The following NMI variants were observed in gnomAD, a reference collection of about 807,000 sequenced individuals.
NMI encodes N-myc and STAT interactor, also known as N-myc-interactor.
A neutral mutation model predicts 34.3 loss-of-function variants in NMI; 39 were observed. The ratio of observed to expected loss-of-function variants is 1.14; its 90% CI spans 0.88 to 1.49. The LOEUF (loss-of-function observed/expected upper bound fraction) is 1.49. Ranked by LOEUF, NMI falls within the 40% of genes most tolerant of loss-of-function variation. The pLI, the probability that NMI is intolerant of heterozygous loss-of-function variation, is 0.00. For synonymous variants in NMI, 113 were observed against 120.3 expected, an observed-to-expected ratio of 0.94 and a Z score of 0.40; for missense variants, 339 against 358.1, an observed-to-expected ratio of 0.95 and a Z score of 0.43.
At chr2:151,282,495 G>A (rs747852625) in intron 2 of NMI, among the ~76,000 whole-genome samples, 6 of 152,092 alleles carry the variant, frequency 3.9e-5, no homozygotes, top group Non-Finnish European at 7.4e-5. Context: ...CCATAGTATC[G>A]CATAGTACAC....
chr2:151,289,433 G>A (rs999776299), intron 1 of NMI, among the ~76,000 whole-genome samples, 160 bp downstream of exon 1: 3 of 152,154 alleles, frequency 2.0e-5, no homozygotes, highest in East Asian at 1.9e-4. Context: ...TGGCCTCCGC[G>A]ACTCGGCTGC....
chr2:151,279,382 T>G (rs192567669), intron 3 of NMI, among the ~76,000 whole-genome samples: 7 of 152,198 alleles, frequency 4.6e-5, no homozygotes, highest in Admixed American at 1.3e-4. Flanking sequence ...TTAATTTTGC[T>G]GCAAAGTATG....
In NMI at chr2:151,276,406, T is replaced by C. The variant is rs181313310; in HGVS notation, c.341-542A>G. ...AAAGTATATCAGCAAAATCACAATG[T>C]AGAAGTTCTCAAGTTCTAGATTCTT... On this transcript the variant is annotated intron_variant, in intron 4 of 7. Transcript: ENST00000243346. 5.3e-5 allele frequency among the ~76,000 whole-genome samples: 8 copies of C among 152,278 alleles called. No individual in the cohort carries two copies. In the South Asian group the frequency reaches 6.2e-4, roughly 12 times the overall value.
In NMI at chr2:151,275,793, T is replaced by C. The variant is rs1219971912; in HGVS notation, c.412A>G (p.Lys138Glu). The change falls in exon 5 of 8, where the codon AAG becomes GAG. Residue 138 changes from lysine (K) to glutamate (E), a missense_variant. Lys to Glu is a moderately conservative substitution (Grantham distance 56, BLOSUM62 1). Coordinates refer to ENST00000243346, the MANE Select transcript of NMI (RefSeq NM_004688.3). ...ACTCCTGAATTTAATGGAACTGGCT[T>C]GGCCGTAACCTCCAGATTTACATCT... The part of the protein sequence containing the change: ...IKDVNLEVTA[K>E]PVPLNSGVRF... 1.2e-6 allele frequency: 2 copies of C among 1,613,798 alleles called. No homozygotes were observed. Among genetic ancestry groups the C allele is most frequent in the Non-Finnish European group, 1.7e-6 (2 of 1,179,820 alleles).
At chr2:151,285,771 T>C (rs957939364) in intron 1 of NMI, among the ~76,000 whole-genome samples, 6 of 152,088 alleles carry the variant, frequency 3.9e-5, no homozygotes, top group African/African-American at 1.2e-4. Flanking sequence ...GAACCAGGAC[T>C]CTTTAGAGAA....
intron 6 of NMI, among the ~76,000 whole-genome samples, chr2:151,274,279 G>C (rs1205004742): frequency 3.5e-5 from 5 of 141,730 alleles, no homozygotes; most frequent in Middle Eastern, 4.1e-3. Context: ...GGAAGCGGAG[G>C]TTGCAGTGAG....
At chr2:151,287,683 G>A (rs2113509) in intron 1 of NMI, among the ~76,000 whole-genome samples, 35,651 of 151,804 alleles carry the variant, frequency 0.23, 6,953 homozygotes, top group African/African-American at 0.53. Context: ...TCTCCTTTGC[G>A]GCGCTTTAAT....
intron 6 of NMI, among the ~76,000 whole-genome samples, chr2:151,273,706 G>A (rs1558874237): frequency 6.6e-6 from 1 of 152,062 alleles, no homozygotes; most frequent in Non-Finnish European, 1.5e-5. Context: ...ATTTTTGGTG[G>A]AGAAGGGGTC....
chr2:151,275,977 G>A, intron 4 of NMI, 113 bp from the exon 5 acceptor site: 1 of 723,632 alleles, frequency 1.4e-6, no homozygotes, highest in Non-Finnish European at 2.2e-6. Flanking sequence ...AATATTAAAG[G>A]GTCTAATTTT....
intron 3 of NMI, among the ~76,000 whole-genome samples, chr2:151,280,981 C>G (rs1427970446): frequency 6.6e-6 from 1 of 151,858 alleles, no homozygotes; most frequent in Non-Finnish European, 1.5e-5. Context: ...AGCTGGGATA[C>G]AGGCACCCGC....
chr2:151,276,980 G>C (rs994977326), intron 4 of NMI, among the ~76,000 whole-genome samples: 1 of 152,184 alleles, frequency 6.6e-6, no homozygotes, highest in Non-Finnish European at 1.5e-5. Flanking sequence ...AAAAATGTGA[G>C]TGGGCATTTA....
At chr2:151,271,297 C>G (rs1366516123) in intron 7 of NMI, among the ~76,000 whole-genome samples, 1 of 152,116 alleles carries the variant, frequency 6.6e-6, no homozygotes, top group East Asian at 1.9e-4. Flanking sequence ...ATAATGAGTT[C>G]AGAGAAAGTA....
chr2:151,283,297 A>C (rs2105210556), intron 1 of NMI, among the ~76,000 whole-genome samples: 1 of 152,120 alleles, frequency 6.6e-6, no homozygotes, highest in South Asian at 2.1e-4. Flanking sequence ...ACCTGCCACC[A>C]TGCCCGGCTA....
chr2:151,282,886 T>C lies in NMI; in HGVS notation c.63A>G (p.Ile21Met). 1 of 1,517,722 alleles carries C rather than the reference T, an allele frequency of 6.6e-7. No individual in the cohort carries two copies. Among genetic ancestry groups the C allele is most frequent in the South Asian group, 1.3e-5 (1 of 79,274 alleles). The allele number at this position is 1,517,722 out of a possible 1,614,324, so 94.0% of individuals were successfully genotyped here. ...TTTTTACCTTATTTTGTTCATCTTTTATAAATTCATCTGGCGAATGCTCCT... is the reference window on the plus strand; with the variant it reads ...TTTTTACCTTATTTTGTTCATCTTTCATAAATTCATCTGGCGAATGCTCCT... ...ILKEHSPDEF[I>M]KDEQNKGLID... Residue 21 changes from isoleucine (I) to methionine (M), a missense_variant, in exon 2 of 8, where the codon ATA becomes ATG. Transcript: ENST00000243346.
intron 6 of NMI, among the ~76,000 whole-genome samples, chr2:151,273,519 T>C (rs1465300373): frequency 6.6e-6 from 1 of 152,174 alleles, no homozygotes; most frequent in East Asian, 1.9e-4. Context: ...TTTTATTTTA[T>C]TTATTTTATT....
chr2:151,285,727 G>C (rs1019477964), intron 1 of NMI, among the ~76,000 whole-genome samples: 7 of 152,050 alleles, frequency 4.6e-5, no homozygotes, highest in African/African-American at 1.7e-4. Context: ...TCAGCACCCA[G>C]ACTTTGGTTT....
intron 6 of NMI, among the ~76,000 whole-genome samples, chr2:151,274,478 C>CTTTTTTTTTTTTTTTT (rs754607240): frequency 8.0e-6 from 1 of 125,676 alleles, no homozygotes. Context: ...GGAAATGTCT[C>CTTTTTTTTTTTTTTTT]TTTTTGTTTT....
intron 6 of NMI, among the ~76,000 whole-genome samples, chr2:151,274,070 C>T (rs907318636): frequency 1.3e-5 from 2 of 151,846 alleles, no homozygotes; most frequent in African/African-American, 2.4e-5. Context: ...GGGCCAGGAG[C>T]GGCGGCTCAT....
chr2:151,285,061 G>A (rs1683470802), intron 1 of NMI, among the ~76,000 whole-genome samples: 1 of 152,040 alleles, frequency 6.6e-6, no homozygotes, highest in Admixed American at 6.5e-5. Flanking sequence ...AATAAGCCTG[G>A]AATATCTTGT....
Sources: gnomAD v4.1 joint callset for allele counts (sites outside exome capture counted in the v4.1 genomes callset) on GRCh38, gnomAD v4.1.1 for gene constraint, MANE v1.5 for transcripts, NCBI Gene and HGNC (gene_info 2026-07-23, HGNC 2026-07-21) for gene names.